Variants in DEPTOR observed in about 807,000 individuals in gnomAD.
The protein encoded by DEPTOR is DEP domain containing MTOR interacting protein.
Under a neutral mutation model 41.6 loss-of-function variants are expected in DEPTOR, and 41 were observed. That is an observed-to-expected ratio of 0.98 (90% CI 0.77 to 1.28). The LOEUF is 1.28. Among genes scored for constraint, DEPTOR ranks in the 50% most tolerant of loss-of-function variants. DEPTOR has a pLI of 0.00. For synonymous variants in DEPTOR, 195 were observed against 192.3 expected (o/e 1.01, Z -0.12); for missense variants, 514 against 527.9 (o/e 0.97, Z 0.26).
chr8:119,905,463 A>G (rs956449631), intron 1 of DEPTOR, among the ~76,000 whole-genome samples: 1 of 152,182 alleles, frequency 6.6e-6, no homozygotes, highest in East Asian at 1.9e-4. Context: ...CCATACAGAG[A>G]CAAGAGCAGG....
intron 8 of DEPTOR, among the ~76,000 whole-genome samples, chr8:120,040,420 C>T (rs1813050052): frequency 6.6e-6 from 1 of 151,690 alleles, no homozygotes; most frequent in Admixed American, 6.6e-5. Context: ...ACTAAAAATA[C>T]AAAAAATTAG....
At position 120,018,010 on chromosome 8, in the gene DEPTOR, C is replaced by T. The variant is rs1472147798; in HGVS notation, c.1101+8877C>T. 2.0e-5 allele frequency among the ~76,000 whole-genome samples: 3 copies of T among 152,120 alleles called. No homozygotes were observed. The East Asian group carries it at 5.8e-4, about 29-fold the overall frequency. On this transcript the variant is annotated intron_variant, in intron 8 of 8. Coordinates refer to ENST00000286234, the MANE Select transcript of DEPTOR (RefSeq NM_022783.4). ...AATAAAGAACTAGTGGCCATGATGTCCTTTTTTTCCTCTTTCAAAATTTCT... is the reference window on the plus strand; with the variant it reads ...AATAAAGAACTAGTGGCCATGATGTTCTTTTTTTCCTCTTTCAAAATTTCT...
intron 4 of DEPTOR, among the ~76,000 whole-genome samples, chr8:119,969,071 G>T (rs1306469356): frequency 6.6e-6 from 1 of 151,466 alleles, no homozygotes. Context: ...CTCCAGCCTG[G>T]GCGACACAGC....
intron 7 of DEPTOR, 55 bp from the exon 8 acceptor site, chr8:120,008,974 T>A: frequency 6.4e-7 from 1 of 1,563,126 alleles, no homozygotes; most frequent in Non-Finnish European, 8.8e-7. Flanking sequence ...CTCAGAAGAA[T>A]AAGCAAATTG....
At chr8:119,964,113 A>T (rs1419086035) in intron 3 of DEPTOR, among the ~76,000 whole-genome samples, 1 of 152,122 alleles carries the variant, frequency 6.6e-6, no homozygotes, top group African/African-American at 2.4e-5. Context: ...GTCTGTTTTG[A>T]TAAGGGCACT....
intron 1 of DEPTOR, among the ~76,000 whole-genome samples, chr8:119,889,594 G>A (rs1187969887): frequency 1.0e-5 from 1 of 100,152 alleles, no homozygotes; most frequent in African/African-American, 3.5e-5. Flanking sequence ...GAGAGAAGGG[G>A]TGGGGAGGTG....
intron 1 of DEPTOR, among the ~76,000 whole-genome samples, chr8:119,922,434 T>A (rs1231305728): frequency 2.6e-5 from 4 of 152,160 alleles, no homozygotes; most frequent in Admixed American, 2.6e-4. Context: ...AGACATCACA[T>A]CTAAGAATTA....
At chr8:120,011,430 A>C (rs1291451031) in intron 8 of DEPTOR, among the ~76,000 whole-genome samples, 1 of 152,234 alleles carries the variant, frequency 6.6e-6, no homozygotes, top group Admixed American at 6.5e-5. Flanking sequence ...GGATCATAAA[A>C]AAGCAAGCAT....
At chr8:119,928,206 A>G (rs551275333) in intron 1 of DEPTOR, among the ~76,000 whole-genome samples, 194 bp from the exon 2 acceptor site, 1 of 152,092 alleles carries the variant, frequency 6.6e-6, no homozygotes, top group South Asian at 2.1e-4. Flanking sequence ...TACCTCTGTC[A>G]TCTAGATCAG....
intron 8 of DEPTOR, among the ~76,000 whole-genome samples, chr8:120,026,941 G>A (rs958642794): frequency 2.6e-5 from 4 of 152,076 alleles, no homozygotes; most frequent in East Asian, 1.9e-4. Flanking sequence ...AATGCCTACC[G>A]GGTGTGGTGG....
chr8:119,951,874 C>A (rs913738614), intron 3 of DEPTOR, among the ~76,000 whole-genome samples: 4 of 152,064 alleles, frequency 2.6e-5, no homozygotes, highest in Non-Finnish European at 5.9e-5. Context: ...TGTGGTGGCT[C>A]ACGCTGTAAT....
chr8:119,943,585 G>C (rs940108672), intron 3 of DEPTOR, among the ~76,000 whole-genome samples: 2 of 152,108 alleles, frequency 1.3e-5, no homozygotes, highest in Non-Finnish European at 2.9e-5. Flanking sequence ...AATTCGAGGT[G>C]AGTTTGGGTG....
chr8:119,919,354 A>G (rs1431902637), intron 1 of DEPTOR, among the ~76,000 whole-genome samples: 2 of 152,172 alleles, frequency 1.3e-5, no homozygotes, highest in African/African-American at 2.4e-5. Flanking sequence ...AGCTTCAGCA[A>G]TGATCAGTTC....
intron 1 of DEPTOR, among the ~76,000 whole-genome samples, chr8:119,905,086 G>A (rs1490319139): frequency 1.3e-5 from 2 of 149,762 alleles, no homozygotes; most frequent in Non-Finnish European, 2.9e-5. Context: ...GAGGTTACAG[G>A]TGTGAGCTAC....
intron 4 of DEPTOR, among the ~76,000 whole-genome samples, chr8:119,975,164 G>A (rs922862674): frequency 2.0e-4 from 30 of 151,708 alleles, no homozygotes; most frequent in Non-Finnish European, 4.1e-4. Flanking sequence ...TTTTAAAAAG[G>A]ACAAAAGGAC....
chr8:119,909,224 C>T (rs562657518), intron 1 of DEPTOR, among the ~76,000 whole-genome samples: 15 of 152,300 alleles, frequency 9.8e-5, no homozygotes, highest in African/African-American at 3.6e-4. Flanking sequence ...CCTACCTTGC[C>T]TCTGGTAGCC....
At chr8:119,898,676 A>C (rs1286574710) in intron 1 of DEPTOR, among the ~76,000 whole-genome samples, 2 of 151,698 alleles carry the variant, frequency 1.3e-5, no homozygotes, top group African/African-American at 4.8e-5. Context: ...GTGAGCTGAG[A>C]TTGTACCACT....
intron 8 of DEPTOR, among the ~76,000 whole-genome samples, chr8:120,034,264 T>TACATACAC (rs1554587415): frequency 2.8e-5 from 4 of 145,278 alleles, no homozygotes; most frequent in Non-Finnish European, 6.0e-5. Context: ...GCAAAGCATG[T>TACATACAC]ACACACACAC....
At chr8:120,031,422 G>A (rs891191615) in intron 8 of DEPTOR, among the ~76,000 whole-genome samples, 12 of 151,944 alleles carry the variant, frequency 7.9e-5, no homozygotes, top group Non-Finnish European at 1.8e-4. Context: ...CCAAGATTGC[G>A]CCACTGCACT....
Sources: allele counts gnomAD v4.1 joint callset (sites outside exome capture counted in the v4.1 genomes callset), GRCh38; gene constraint gnomAD v4.1.1; transcripts MANE v1.5; gene names NCBI Gene and HGNC (gene_info 2026-07-23, HGNC 2026-07-21).